Variants in PDGFRA observed in about 807,000 individuals in gnomAD.
PDGFRA encodes the protein platelet-derived growth factor receptor alpha.
In PDGFRA, 25 loss-of-function variants were observed where a neutral mutation model predicts 121.5. That is an observed-to-expected ratio of 0.21 (90% CI 0.15 to 0.29). The LOEUF is 0.29. Among genes scored for constraint, PDGFRA ranks in the 10% least tolerant of loss-of-function variants. The pLI is 1.00. For missense variants in PDGFRA, 1,008 were observed against 1,345.1 expected (o/e 0.75, Z 3.92); for synonymous variants, 463 against 494.8 (o/e 0.94, Z 0.85).
At chr4:54,240,133 G>A in intron 1 of PDGFRA, 1 of 305,188 alleles carries the variant, frequency 3.3e-6, no homozygotes, top group Non-Finnish European at 7.0e-6. Flanking sequence ...GATTATAGGT[G>A]TGAGCCACTG....
chr4:54,258,946 A>G (rs1560464927), intron 2 of PDGFRA, 129 bp downstream of exon 2: 2 of 802,446 alleles, frequency 2.5e-6, no homozygotes, highest in East Asian at 4.9e-5. Flanking sequence ...AGAAAACTAT[A>G]GGACGTTATC....
Position 54,290,305 on chromosome 4 carries a change from G to A in PDGFRA, c.2881-8G>A, listed in dbSNP as rs778161572. ...ACTTGATTAAATATGTTCAATGAAT[G>A]TTTATAGAGTTATGAAAAAATTCAC... On this transcript the variant is annotated splice_region_variant and splice_polypyrimidine_tract_variant and intron_variant, in intron 21 of 22. Transcript: ENST00000257290. 33 of 1,604,934 alleles carry A rather than the reference G, an allele frequency of 2.1e-5. No homozygotes were observed. The highest frequency in any genetic ancestry group is 2.4e-5 in the Non-Finnish European group (28 of 1,171,724).
intron 1 of PDGFRA, among the ~76,000 whole-genome samples, chr4:54,255,063 T>C (rs1340935792): frequency 1.3e-5 from 2 of 152,032 alleles, no homozygotes; most frequent in East Asian, 3.9e-4. Context: ...GGGCACAGCT[T>C]TTGCATCACA....
intron 4 of PDGFRA, 142 bp from the exon 5 acceptor site, chr4:54,264,777 A>C (rs1722939604): frequency 1.4e-6 from 1 of 716,700 alleles, no homozygotes; most frequent in Non-Finnish European, 2.4e-6. Context: ...GCCTTGTGAG[A>C]TTTTCCAAAT....
rs752425157 is a variant in PDGFRA at position 54,280,388 on chromosome 4, C to T, written c.2229C>T (p.Val743=). Residue 743 remains valine, a synonymous_variant, in exon 16 of 23, where the codon GTC becomes GTT. Coordinates refer to ENST00000257290, the MANE Select transcript of PDGFRA (RefSeq NM_006206.6). ...AGCAGGCTGATACTACACAGTATGT[C>T]CCCATGCTAGAAAGGAAAGAGGTTT... ...DMKQADTTQY[V]PMLERKEVSK... The T allele has an allele frequency of 6.2e-6, 10 of 1,611,498 alleles. No individual in the cohort carries two copies. The highest frequency in any genetic ancestry group is 2.7e-5 in the African/African-American group (2 of 74,866).
In PDGFRA at chr4:54,296,267, G is replaced by T. The variant is rs887938584; in HGVS notation, c.*995G>T. 6 of 232,428 alleles carry T rather than the reference G, an allele frequency of 2.6e-5. No individual in the cohort carries two copies. The highest frequency in any genetic ancestry group is 5.1e-5 in the Non-Finnish European group (6 of 117,818). 14.4% of individuals were successfully genotyped at this position (232,428 alleles called of 1,614,324 possible). A position where few individuals can be genotyped will look rare whatever the true frequency, so the allele number is the denominator to read the frequency against. ...CAAACAAAACTCTTAAGTCCTAAAA[G>T]TTCTCAATGTAGAGGCATAAACCTG... On this transcript the variant is annotated 3_prime_UTR_variant, in exon 23 of 23. Transcript: ENST00000257290.
chr4:54,258,753 C>G lies in PDGFRA; in HGVS notation c.-12-4C>G, dbSNP rs1722514829. ...CTGTTTCTGTTGACTTTTGACTTTT[C>G]TAGTTTCCCAGAGCTATGGGGACTT... is the stretch of plus-strand genomic sequence containing the variant. On this transcript the variant is annotated splice_polypyrimidine_tract_variant and splice_region_variant and intron_variant, in intron 1 of 22. Transcript: ENST00000257290. 1.2e-6 allele frequency: 2 copies of G among 1,605,350 alleles called. No individual in the cohort carries two copies. The highest frequency in any genetic ancestry group is 1.7e-6 in the Non-Finnish European group (2 of 1,172,074).
intron 16 of PDGFRA, chr4:54,281,883 A>G (rs1724096549): frequency 8.6e-7 from 1 of 1,169,174 alleles, no homozygotes; most frequent in Non-Finnish European, 1.1e-6. Context: ...CTAAGATGCT[A>G]TCACATGTGA....
At chr4:54,242,158 C>G (rs1721337444) in intron 1 of PDGFRA, among the ~76,000 whole-genome samples, 1 of 152,184 alleles carries the variant, frequency 6.6e-6, no homozygotes, top group African/African-American at 2.4e-5. Flanking sequence ...GGTTCAGTTC[C>G]TGGCTTAGAG....
intron 21 of PDGFRA, 53 bp downstream of exon 21, chr4:54,289,167 A>C: frequency 9.8e-7 from 1 of 1,021,934 alleles, no homozygotes; most frequent in Non-Finnish European, 1.6e-6. Flanking sequence ...AAGTTATACC[A>C]GTGAGCTGTG....
chr4:54,291,437 A>G (rs1724626752), intron 22 of PDGFRA, among the ~76,000 whole-genome samples: 1 of 152,208 alleles, frequency 6.6e-6, no homozygotes, highest in African/African-American at 2.4e-5. Flanking sequence ...TCTCACAAAT[A>G]TTATCATACT....
chr4:54,251,580 G>A (rs1438259592), intron 1 of PDGFRA, among the ~76,000 whole-genome samples: 1 of 152,176 alleles, frequency 6.6e-6, no homozygotes, highest in Non-Finnish European at 1.5e-5. Flanking sequence ...ACTGCTTTAA[G>A]GGATCAAAGT....
intron 2 of PDGFRA, 22 bp downstream of exon 2, chr4:54,258,839 G>T (rs965881546): frequency 6.2e-7 from 1 of 1,607,866 alleles, no homozygotes; most frequent in African/African-American, 1.3e-5. Context: ...AGTCCTCTCT[G>T]AGTTCCTTGT....
intron 1 of PDGFRA, among the ~76,000 whole-genome samples, chr4:54,239,468 A>G (rs935753909): frequency 7.9e-5 from 12 of 152,166 alleles, no homozygotes; most frequent in Admixed American, 6.5e-4. Context: ...CTGAACCCCA[A>G]TTTTGAGTTC....
chr4:54,244,321 T>A (rs532783788), intron 1 of PDGFRA, among the ~76,000 whole-genome samples: 2 of 152,234 alleles, frequency 1.3e-5, no homozygotes, highest in East Asian at 3.9e-4. Flanking sequence ...CACCCCCTAG[T>A]AGGGGCAGAC....
intron 1 of PDGFRA, among the ~76,000 whole-genome samples, chr4:54,247,306 T>C (rs893002633): frequency 7.9e-5 from 12 of 152,204 alleles, no homozygotes; most frequent in Non-Finnish European, 1.3e-4. Flanking sequence ...TGAACATTGA[T>C]GCAAAAATCC....
chr4:54,265,159 C>A, intron 5 of PDGFRA, 110 bp downstream of exon 5: 1 of 999,414 alleles, frequency 1.0e-6, no homozygotes, highest in Non-Finnish European at 1.6e-6. Context: ...TTTCTCTAGA[C>A]CTTAGCTTCC....
intron 1 of PDGFRA, among the ~76,000 whole-genome samples, chr4:54,231,160 G>C (rs557415383): frequency 5.3e-5 from 8 of 152,346 alleles, no homozygotes; most frequent in African/African-American, 1.9e-4. Context: ...AAGACCTCAG[G>C]ATGTGCGCAA....
chr4:54,287,251 T>A (rs1274783355), intron 18 of PDGFRA, among the ~76,000 whole-genome samples, 179 bp from the exon 19 acceptor site: 2 of 152,224 alleles, frequency 1.3e-5, no homozygotes, highest in Non-Finnish European at 2.9e-5. Context: ...ATTGAGCACC[T>A]ACTATGTGCC....
Sources: gnomAD v4.1 joint callset for allele counts (sites outside exome capture counted in the v4.1 genomes callset) on GRCh38, gnomAD v4.1.1 for gene constraint, MANE v1.5 for transcripts, NCBI Gene and HGNC (gene_info 2026-07-23, HGNC 2026-07-21) for gene names.